Variants in OCA2 observed in about 807,000 individuals in gnomAD.
OCA2 encodes OCA2 melanosomal transmembrane protein.
A neutral mutation model predicts 100.2 loss-of-function variants in OCA2; 77 were observed. That is an observed-to-expected ratio of 0.77 (90% CI 0.64 to 0.93). OCA2 has a LOEUF of 0.93. Among genes scored for constraint, OCA2 ranks in the 40% least tolerant of loss-of-function variants. The pLI is 0.00. For missense variants in OCA2, 1,062 were observed against 1,089.1 expected (o/e 0.98, Z 0.35); for synonymous variants, 432 against 439.2 (o/e 0.98, Z 0.21).
intron 1 of OCA2, among the ~76,000 whole-genome samples, chr15:28,089,751 T>A (rs1404737656): frequency 6.6e-6 from 1 of 152,148 alleles, no homozygotes; most frequent in African/African-American, 2.4e-5. Context: ...TGGGTTCACA[T>A]GGACATAAAG....
At chr15:27,853,094 A>T (rs2035820192) in intron 21 of OCA2, among the ~76,000 whole-genome samples, 1 of 133,414 alleles carries the variant, frequency 7.5e-6, no homozygotes, top group African/African-American at 2.8e-5. Context: ...AAGGACTATA[A>T]ATCATGCTGC....
intron 14 of OCA2, among the ~76,000 whole-genome samples, chr15:27,977,353 T>C (rs914987184): frequency 4.6e-5 from 7 of 152,134 alleles, no homozygotes; most frequent in Admixed American, 2.6e-4. Flanking sequence ...CAAATACAGG[T>C]GTTTAGTGTT....
At chr15:27,925,816 G>A (rs1284367885) in intron 19 of OCA2, among the ~76,000 whole-genome samples, 1 of 152,044 alleles carries the variant, frequency 6.6e-6, no homozygotes, top group Non-Finnish European at 1.5e-5. Flanking sequence ...TCCTAAACTT[G>A]CTGTTATAAG....
chr15:28,003,781 CT>C (rs1414757357), intron 9 of OCA2, among the ~76,000 whole-genome samples: 2 of 152,222 alleles, frequency 1.3e-5, no homozygotes, highest in African/African-American at 4.8e-5. Context: ...GGTCCCACCC[CT>C]AGCCCAGCCT....
At chr15:28,031,783 G>A (rs2042912793) in intron 3 of OCA2, among the ~76,000 whole-genome samples, 1 of 152,152 alleles carries the variant, frequency 6.6e-6, no homozygotes, top group South Asian at 2.1e-4. Flanking sequence ...ACCCCTAGCT[G>A]AGAAACCCCA....
chr15:28,062,127 G>A (rs1207546382), intron 2 of OCA2, among the ~76,000 whole-genome samples: 1 of 152,366 alleles, frequency 6.6e-6, no homozygotes, highest in East Asian at 1.9e-4. Context: ...ATGCTGAACA[G>A]TTTGAGGAAC....
At chr15:27,902,629 G>A (rs1262820111) in intron 19 of OCA2, among the ~76,000 whole-genome samples, 2 of 152,182 alleles carry the variant, frequency 1.3e-5, no homozygotes, top group Non-Finnish European at 2.9e-5. Flanking sequence ...TCCTGGCAGT[G>A]ACTGTCCATC....
intron 13 of OCA2, among the ~76,000 whole-genome samples, chr15:27,984,845 G>A (rs1406994788): frequency 6.6e-6 from 1 of 152,212 alleles, no homozygotes; most frequent in African/African-American, 2.4e-5. Context: ...ACCTCCTGCA[G>A]GCATTTCTGC....
intron 19 of OCA2, among the ~76,000 whole-genome samples, chr15:27,924,292 T>G (rs2038968687): frequency 6.6e-6 from 1 of 152,168 alleles, no homozygotes. Context: ...TTTCAAATTA[T>G]CACAAATCTC....
chr15:27,812,834 G>T (rs1332217960), intron 23 of OCA2, among the ~76,000 whole-genome samples: 1 of 152,126 alleles, frequency 6.6e-6, no homozygotes, highest in East Asian at 1.9e-4. Context: ...TTGACTAGAA[G>T]TAAAATACTA....
chr15:27,948,775 C>G (rs2039930800), intron 18 of OCA2, among the ~76,000 whole-genome samples: 2 of 152,090 alleles, frequency 1.3e-5, no homozygotes, highest in Non-Finnish European at 1.5e-5. Context: ...CAAACATGAA[C>G]CATTGATGCA....
chr15:27,887,137 T>C (rs771030479), intron 19 of OCA2, among the ~76,000 whole-genome samples: 79 of 152,360 alleles, frequency 5.2e-4, no homozygotes, highest in Middle Eastern at 3.4e-3. Context: ...TTCCTTGCCT[T>C]CTGCCATGAT....
At chr15:27,786,120 A>G (rs2032803799) in intron 23 of OCA2, among the ~76,000 whole-genome samples, 1 of 152,198 alleles carries the variant, frequency 6.6e-6, no homozygotes, top group Non-Finnish European at 1.5e-5. Context: ...TGTTTAAATG[A>G]CTATCCTTTT....
intron 23 of OCA2, among the ~76,000 whole-genome samples, chr15:27,815,921 C>T (rs2034279830): frequency 1.3e-5 from 2 of 152,280 alleles, no homozygotes; most frequent in South Asian, 4.1e-4. Flanking sequence ...CACCTGAGGT[C>T]AGGAGTTCGA....
At chr15:27,987,424 T>C (rs1347300338) in intron 11 of OCA2, among the ~76,000 whole-genome samples, 2 of 152,098 alleles carry the variant, frequency 1.3e-5, no homozygotes, top group Non-Finnish European at 2.9e-5. Context: ...CACTTAAAAA[T>C]AGTCTGAACT....
At chr15:27,722,341 G>A in the OCA2 span, among the ~76,000 whole-genome samples, 1 of 152,200 alleles carries the variant, frequency 6.6e-6, no homozygotes, top group African/African-American at 2.4e-5. Flanking sequence ...CAGAGATCAC[G>A]TGCCAAGGTT....
In OCA2 at chr15:27,838,838, C is replaced by T. The variant is rs556607680; in HGVS notation, c.2432+6121G>A. On this transcript the variant is annotated intron_variant, in intron 23 of 23. Coordinates refer to ENST00000354638, the MANE Select transcript of OCA2 (RefSeq NM_000275.3). ...GATGTAGAACGCAGCTTTAAACCTA[C>T]GAAAGCTCAGGGGTACTGTACCCAG... Among the ~76,000 whole-genome samples, 43 of 152,200 alleles carry T rather than the reference C, an allele frequency of 2.8e-4. 2 individuals are homozygous for T. In the South Asian group the frequency reaches 8.7e-3, roughly 31 times the overall value.
In OCA2 at chr15:27,998,184, C is replaced by G. The variant is rs1225504645; in HGVS notation, c.1045-7537G>C. ...TACCAAAAACAATGGCAACAAAAGA[C>G]AAAATTGACAAATGGGATCTAATTA... On this transcript the variant is annotated intron_variant, in intron 9 of 23. Coordinates refer to ENST00000354638, the MANE Select transcript of OCA2 (RefSeq NM_000275.3). 2.1e-5 allele frequency among the ~76,000 whole-genome samples: 2 copies of G among 94,048 alleles called. 1 individual carries two copies. Among genetic ancestry groups the G allele is most frequent in the Admixed American group, 2.0e-4 (2 of 10,166 alleles). The allele number at this position is 94,048 out of a possible 152,430, so 61.7% of individuals were successfully genotyped here.
At chr15:27,975,289 G>GA (rs1198135006) in intron 14 of OCA2, among the ~76,000 whole-genome samples, 1 of 150,758 alleles carries the variant, frequency 6.6e-6, no homozygotes, top group Non-Finnish European at 1.5e-5. Flanking sequence ...TTAAAAAGAA[G>GA]AAAAAAAAAT....
Sources: gnomAD v4.1 joint callset for allele counts (sites outside exome capture counted in the v4.1 genomes callset) on GRCh38, gnomAD v4.1.1 for gene constraint, MANE v1.5 for transcripts, NCBI Gene and HGNC (gene_info 2026-07-23, HGNC 2026-07-21) for gene names.